Variants in TMEM135 observed in about 807,000 individuals in gnomAD.
The protein encoded by TMEM135 is peroxisomal membrane protein 52.
Under a neutral mutation model 60.3 loss-of-function variants are expected in TMEM135, and 30 were observed. The ratio of observed to expected loss-of-function variants is 0.50; its 90% CI spans 0.37 to 0.68. The LOEUF (loss-of-function observed/expected upper bound fraction) is 0.68. Ranked by LOEUF, TMEM135 falls within the 30% of genes least tolerant of loss-of-function variation. The probability of loss-of-function intolerance (pLI) is 0.00; values close to 1 mark genes in which losing one functional copy is unlikely to be tolerated. For synonymous variants in TMEM135, 190 were observed against 186.7 expected (o/e 1.02, Z -0.14); for missense variants, 468 against 548.8 (o/e 0.85, Z 1.47).
At chr11:87,255,513 C>T (rs1259749385) in intron 6 of TMEM135, among the ~76,000 whole-genome samples, 1 of 152,146 alleles carries the variant, frequency 6.6e-6, no homozygotes, top group Non-Finnish European at 1.5e-5. Flanking sequence ...TGGCACATGC[C>T]TACAGTCCCA....
intron 6 of TMEM135, among the ~76,000 whole-genome samples, chr11:87,273,966 G>A (rs536919844): frequency 2.0e-5 from 3 of 151,998 alleles, no homozygotes; most frequent in African/African-American, 7.2e-5. Flanking sequence ...GGTAGAGTTG[G>A]TCTCAAGTAT....
chr11:87,220,038 A>T (rs1343553711), intron 5 of TMEM135, among the ~76,000 whole-genome samples: 1 of 152,206 alleles, frequency 6.6e-6, no homozygotes, highest in Non-Finnish European at 1.5e-5. Flanking sequence ...GTAATTAGCA[A>T]TACTTTAATG....
At position 87,322,309 on chromosome 11, in the gene TMEM135, T is replaced by C. The variant is rs1565172373; in HGVS notation, c.*976T>C. ...TGTTTAACTTATGTAATGGATGTTT[T>C]GCACCTGAAAACACTATAAAAATCC... On this transcript the variant is annotated 3_prime_UTR_variant, in exon 15 of 15. Transcript: ENST00000305494. 2.2e-6 allele frequency: 1 copy of C among 454,124 alleles called. No homozygotes were observed. Among genetic ancestry groups the C allele is most frequent in the Non-Finnish European group, 4.4e-6 (1 of 226,746 alleles). The allele number at this position is 454,124 out of a possible 1,614,324, so 28.1% of individuals were successfully genotyped here. A position where few individuals can be genotyped will look rare whatever the true frequency, so the allele number is the denominator to read the frequency against.
At chr11:87,274,801 TG>T (rs1941936646) in intron 6 of TMEM135, among the ~76,000 whole-genome samples, 4 of 148,446 alleles carry the variant, frequency 2.7e-5, no homozygotes, top group African/African-American at 1.0e-4. Context: ...TGTGTGTGTG[TG>T]TGTGTGTGTG....
chr11:87,125,498 G>T (rs1029497987), intron 4 of TMEM135, among the ~76,000 whole-genome samples: 1 of 152,092 alleles, frequency 6.6e-6, no homozygotes, highest in Non-Finnish European at 1.5e-5. Context: ...AAGTAAACAG[G>T]TCCCAAGATG....
chr11:87,314,422 A>G, intron 11 of TMEM135, 49 bp from the exon 12 acceptor site: 1 of 1,484,108 alleles, frequency 6.7e-7, no homozygotes, highest in Non-Finnish European at 9.4e-7. Context: ...ACATAATAAC[A>G]AATAAATACT....
At chr11:87,103,667 C>G (rs1246282173) in intron 4 of TMEM135, among the ~76,000 whole-genome samples, 1 of 149,956 alleles carries the variant, frequency 6.7e-6, no homozygotes, top group Non-Finnish European at 1.5e-5. Flanking sequence ...GGGTTGTCTC[C>G]TTTTTTTTTG....
chr11:87,171,005 A>T (rs1939222155), intron 5 of TMEM135, among the ~76,000 whole-genome samples: 1 of 152,126 alleles, frequency 6.6e-6, no homozygotes, highest in South Asian at 2.1e-4. Context: ...CAAAGGGGGT[A>T]CATCTTCAAA....
At chr11:87,102,722 A>ATATG (rs1857489832) in intron 4 of TMEM135, among the ~76,000 whole-genome samples, 2 of 132,222 alleles carry the variant, frequency 1.5e-5, no homozygotes, top group South Asian at 5.0e-4. Flanking sequence ...ATGTATATAT[A>ATATG]TATATGTATA....
At chr11:87,319,945 A>G (rs781329246) in intron 14 of TMEM135, among the ~76,000 whole-genome samples, 22 of 152,090 alleles carry the variant, frequency 1.4e-4, no homozygotes, top group Non-Finnish European at 2.9e-4. Context: ...AAAATTATTT[A>G]CCCTCGTGAG....
At chr11:87,266,247 T>A (rs771026526) in intron 6 of TMEM135, among the ~76,000 whole-genome samples, 2 of 152,104 alleles carry the variant, frequency 1.3e-5, no homozygotes, top group Non-Finnish European at 2.9e-5. Context: ...CCTAAGTCCC[T>A]CACCCTTGGC....
At chr11:87,194,236 G>A (rs368324176) in intron 5 of TMEM135, among the ~76,000 whole-genome samples, 1 of 151,968 alleles carries the variant, frequency 6.6e-6, no homozygotes, top group Non-Finnish European at 1.5e-5. Context: ...TGAAGTGCTG[G>A]GAAAGCTGCT....
chr11:87,292,971 T>C (rs1942291508), intron 6 of TMEM135, among the ~76,000 whole-genome samples: 1 of 152,230 alleles, frequency 6.6e-6, no homozygotes, highest in African/African-American at 2.4e-5. Flanking sequence ...GTCAGAATTC[T>C]TTATTCAGCA....
chr11:87,085,034 T>TAA lies in TMEM135; in HGVS notation c.363-6326_363-6325dup, dbSNP rs532285554. Among the ~76,000 whole-genome samples the TAA allele has an allele frequency of 1.3e-3, 193 of 152,338 alleles. 1 individual carries two copies. Among genetic ancestry groups the TAA allele is most frequent in the African/African-American group, 4.5e-3 (186 of 41,574 alleles). On this transcript the variant is annotated intron_variant, in intron 3 of 14. Coordinates refer to ENST00000305494, the MANE Select transcript of TMEM135 (RefSeq NM_022918.4). The stretch of plus-strand genomic sequence containing the variant: ...GGCCTATTTGTCTTCAGATTTAGGC[T>TAA]AAATATAGTCAAATGTAAAACAATA...
At chr11:87,181,360 C>T (rs1939510952) in intron 5 of TMEM135, among the ~76,000 whole-genome samples, 1 of 152,022 alleles carries the variant, frequency 6.6e-6, no homozygotes, top group Non-Finnish European at 1.5e-5. Flanking sequence ...ACAATTACGT[C>T]ATAAGAGACC....
chr11:87,147,576 A>G (rs1456082131), intron 4 of TMEM135, among the ~76,000 whole-genome samples: 1 of 152,160 alleles, frequency 6.6e-6, no homozygotes, highest in Non-Finnish European at 1.5e-5. Flanking sequence ...TAAAGAAGAA[A>G]ATCACCCAGA....
chr11:87,304,268 G>C (rs1367694409), intron 8 of TMEM135, among the ~76,000 whole-genome samples: 1 of 152,180 alleles, frequency 6.6e-6, no homozygotes, highest in Admixed American at 6.5e-5. Context: ...CTACGCAGGA[G>C]GCTGAGGTGG....
chr11:87,181,003 G>A (rs1377841917), intron 5 of TMEM135, among the ~76,000 whole-genome samples: 1 of 152,122 alleles, frequency 6.6e-6, no homozygotes, highest in East Asian at 1.9e-4. Flanking sequence ...TGACCTGGAT[G>A]CTGGAATTAT....
intron 4 of TMEM135, among the ~76,000 whole-genome samples, chr11:87,146,257 T>C (rs1938411717): frequency 6.6e-6 from 1 of 152,226 alleles, no homozygotes; most frequent in African/African-American, 2.4e-5. Flanking sequence ...GGCATGTGCC[T>C]GTAATCCCAG....
Sources: allele counts gnomAD v4.1 joint callset (sites outside exome capture counted in the v4.1 genomes callset), GRCh38; gene constraint gnomAD v4.1.1; transcripts MANE v1.5; gene names NCBI Gene and HGNC (gene_info 2026-07-23, HGNC 2026-07-21).